Variants in MFF observed in about 807,000 individuals in gnomAD.
MFF encodes mitochondrial fission factor.
Under a neutral mutation model 36.9 loss-of-function variants are expected in MFF, and 12 were observed. The observed-to-expected ratio is 0.33, with a 90% CI of 0.21 to 0.53. The LOEUF (loss-of-function observed/expected upper bound fraction) is 0.53, where lower values mean the gene tolerates loss of function less well. Ranked by LOEUF, MFF falls within the 20% of genes least tolerant of loss-of-function variation. MFF has a pLI of 0.95. For synonymous variants in MFF, 99 were observed against 126.2 expected (o/e 0.78, Z 1.44); for missense variants, 348 against 366.6 (o/e 0.95, Z 0.42).
At chr2:227,336,414 C>G (rs776161062) in intron 4 of MFF, among the ~76,000 whole-genome samples, 1 of 152,164 alleles carries the variant, frequency 6.6e-6, no homozygotes, top group Non-Finnish European at 1.5e-5. Flanking sequence ...TATAATAAAT[C>G]TTTGGAAGAG....
chr2:227,356,597 T>C (rs2076268174), intron 8 of MFF, among the ~76,000 whole-genome samples: 1 of 152,264 alleles, frequency 6.6e-6, no homozygotes, highest in East Asian at 1.9e-4. Context: ...GACAAGTTCA[T>C]AGGAGAGGCA....
intron 4 of MFF, among the ~76,000 whole-genome samples, chr2:227,336,932 A>T (rs565446715): frequency 1.3e-5 from 2 of 152,340 alleles, no homozygotes. Context: ...GACTCAGTGA[A>T]TATTTAAAAG....
intron 4 of MFF, among the ~76,000 whole-genome samples, chr2:227,339,262 G>A (rs1236755775): frequency 6.6e-6 from 1 of 151,786 alleles, no homozygotes; most frequent in Admixed American, 6.6e-5. Flanking sequence ...CACTGTTCTA[G>A]TTATCCATTT....
At chr2:227,331,205 G>A (rs1380207115) in intron 3 of MFF, among the ~76,000 whole-genome samples, 2 of 152,086 alleles carry the variant, frequency 1.3e-5, no homozygotes, top group Admixed American at 6.6e-5. Context: ...CTCAACTCTA[G>A]GCAACCATGA....
Position 227,353,530 on chromosome 2 carries a change from C to A in MFF, c.659+957C>A, listed in dbSNP as rs537465207. The stretch of plus-strand genomic sequence containing the variant: ...CACTCTGCTGACTTGTTTCTTTTTA[C>A]AATCTTAGTTCAGTTCATTGTCGTT... On this transcript the variant is annotated intron_variant, in intron 7 of 8. Coordinates refer to ENST00000304593, the MANE Select transcript of MFF (RefSeq NM_001277062.2). Among the ~76,000 whole-genome samples, 31 of 152,294 alleles carry A rather than the reference C, an allele frequency of 2.0e-4. No individual in the cohort carries two copies. The South Asian group carries it at 6.0e-3, about 30-fold the overall frequency.
chr2:227,349,501 G>A (rs980824034), intron 6 of MFF, among the ~76,000 whole-genome samples: 3 of 152,020 alleles, frequency 2.0e-5, no homozygotes, highest in Non-Finnish European at 2.9e-5. Flanking sequence ...AGTTCATGAA[G>A]GAGTTATATT....
At chr2:227,339,833 A>G (rs1295556689) in intron 4 of MFF, among the ~76,000 whole-genome samples, 1 of 152,234 alleles carries the variant, frequency 6.6e-6, no homozygotes, top group Admixed American at 6.5e-5. Context: ...ATACATTTTT[A>G]GTCTAGTTTT....
chr2:227,339,182 AC>A (rs1485344597), intron 4 of MFF, among the ~76,000 whole-genome samples: 1 of 151,446 alleles, frequency 6.6e-6, no homozygotes, highest in Non-Finnish European at 1.5e-5. Flanking sequence ...AGCCTGGATG[AC>A]AGAGCAAGAT....
At chr2:227,347,484 C>T in intron 6 of MFF, 100 bp downstream of exon 6, 2 of 937,898 alleles carry the variant, frequency 2.1e-6, no homozygotes, top group Non-Finnish European at 1.7e-6. Flanking sequence ...TACCTTCTAG[C>T]CTCTTTCTAA....
chr2:227,335,418 C>T (rs569746379), intron 4 of MFF, among the ~76,000 whole-genome samples: 6 of 152,022 alleles, frequency 3.9e-5, no homozygotes, highest in East Asian at 1.9e-4. Context: ...GAAAATATTC[C>T]GGAATTAGAT....
intron 3 of MFF, among the ~76,000 whole-genome samples, chr2:227,331,900 A>G (rs1409202819): frequency 1.3e-5 from 2 of 149,668 alleles, no homozygotes; most frequent in Admixed American, 6.7e-5. Context: ...TACATTGCAT[A>G]ATTTCTTATT....
intron 4 of MFF, among the ~76,000 whole-genome samples, chr2:227,337,885 A>G (rs1444469262): frequency 6.6e-6 from 1 of 151,684 alleles, no homozygotes. Context: ...CATCTCTACC[A>G]AAAAATACAA....
chr2:227,346,009 C>T (rs1408289791), intron 5 of MFF, among the ~76,000 whole-genome samples: 2 of 152,116 alleles, frequency 1.3e-5, no homozygotes, highest in Non-Finnish European at 2.9e-5. Flanking sequence ...ATCACCAAGC[C>T]ATTCAAAGTT....
In MFF at chr2:227,355,684, A is replaced by G. The variant is rs549553723; in HGVS notation, c.667A>G (p.Ile223Val). 1.9e-6 allele frequency: 3 copies of G among 1,603,604 alleles called. No homozygotes were observed. The highest frequency in any genetic ancestry group is 1.7e-6 in the Non-Finnish European group (2 of 1,170,744). ...NPHHDNVRYG[I>V]SNIDTTIEGT... The stretch of plus-strand genomic sequence containing the variant: ...TCTATCTCTTATCTGCAGGTATGGC[A>G]TTTCAAATATAGATACAACCATTGA... The change falls in exon 8 of 9, where the codon ATT (isoleucine) becomes GTT (valine). Residue 223 changes from isoleucine (I) to valine (V), a missense_variant. Ile to Val is a conservative substitution (Grantham distance 29, BLOSUM62 3). Transcript: ENST00000304593.
At chr2:227,350,416 A>G (rs1307219818) in intron 6 of MFF, among the ~76,000 whole-genome samples, 2 of 152,158 alleles carry the variant, frequency 1.3e-5, no homozygotes, top group African/African-American at 4.8e-5. Context: ...TAGATGAGTC[A>G]TGCTTAGCTC....
chr2:227,355,627 C>A, intron 7 of MFF, 50 bp from the exon 8 acceptor site: 1 of 1,104,216 alleles, frequency 9.1e-7, no homozygotes. Flanking sequence ...GTGCCATTTA[C>A]TCTGAGTTCT....
At chr2:227,345,799 A>G (rs956990625) in intron 5 of MFF, among the ~76,000 whole-genome samples, 3 of 152,186 alleles carry the variant, frequency 2.0e-5, no homozygotes, top group African/African-American at 7.2e-5. Flanking sequence ...AGAGATTGCC[A>G]GTCTCTGGAC....
intron 8 of MFF, 112 bp from the exon 9 acceptor site, chr2:227,356,874 G>A (rs1301825981): frequency 3.6e-6 from 3 of 838,628 alleles, no homozygotes; most frequent in Non-Finnish European, 5.5e-6. Context: ...TTCCATGTTT[G>A]TAATAATACT....
chr2:227,343,319 C>G (rs1461269427), intron 5 of MFF, among the ~76,000 whole-genome samples: 1 of 152,156 alleles, frequency 6.6e-6, no homozygotes, highest in South Asian at 2.1e-4. Flanking sequence ...ATTAAACCCA[C>G]TCTTTCCATG....
Sources: gnomAD v4.1 joint callset for allele counts (sites outside exome capture counted in the v4.1 genomes callset) on GRCh38, gnomAD v4.1.1 for gene constraint, MANE v1.5 for transcripts, NCBI Gene and HGNC (gene_info 2026-07-23, HGNC 2026-07-21) for gene names.